Variants in ASIP observed in about 807,000 individuals in gnomAD.
ASIP encodes the protein agouti-signaling protein.
Under a neutral mutation model 10.3 loss-of-function variants are expected in ASIP, and 11 were observed. The observed-to-expected ratio is 1.07, with a 90% CI of 0.68 to 1.78. The LOEUF is 1.78. ASIP is among the 40% of genes most tolerant of loss of function. The pLI, the probability that ASIP is intolerant of heterozygous loss-of-function variation, is 0.00. For synonymous variants in ASIP, 70 were observed against 70.8 expected (o/e 0.99, Z 0.06); for missense variants, 180 against 169.2 (o/e 1.06, Z -0.35).
chr20:34,192,866 A>G (rs1191902484), upstream of ASIP, among the ~76,000 whole-genome samples: 9 of 152,186 alleles, frequency 5.9e-5, no homozygotes, highest in Non-Finnish European at 1.3e-4. Flanking sequence ...GGTGCATGTG[A>G]TATTTTCATA....
rs532595280 is a variant in ASIP, at chr20:34,222,685, C to G, written c.-11+27925C>G. On this transcript the variant is annotated intron_variant, in intron 1 of 3. Coordinates refer to the ASIP transcript ENST00000568305. ...CTCTCCCCACGGTCTCCCTCTCATGCGGAGCTGAAGCTGGACTGTACTGCT... is the reference window on the plus strand; with the variant it reads ...CTCTCCCCACGGTCTCCCTCTCATGGGGAGCTGAAGCTGGACTGTACTGCT... 1.7e-4 allele frequency among the ~76,000 whole-genome samples: 26 copies of G among 151,584 alleles called. No individual in the cohort carries two copies. In the South Asian group the frequency reaches 5.5e-3, roughly 32 times the overall value.
At chr20:34,193,429 C>T (rs563758532), upstream of ASIP, among the ~76,000 whole-genome samples, 1 of 151,792 alleles carries the variant, frequency 6.6e-6, no homozygotes, top group South Asian at 2.1e-4. Context: ...TTTTTTCTTC[C>T]ATCTTTTTTT....
chr20:34,235,786 GAAGAAAGAAAGAAAGAAAGA>G (rs572242709), intron 1 of ASIP, among the ~76,000 whole-genome samples: 23 of 61,392 alleles, frequency 3.7e-4, no homozygotes, highest in African/African-American at 5.9e-4. Context: ...CTCTGAGAAA[GAAGAAAGAAAGAAAGAAAGA>G]AAGAAAGAAA....
chr20:34,246,064 TC>T, intron 1 of ASIP: 1 of 879,594 alleles, frequency 1.1e-6, no homozygotes, highest in Non-Finnish European at 1.9e-6. Context: ...AATTTCATCC[TC>T]CCCATTACTG....
chr20:34,187,480 A>T, the ASIP span, among the ~76,000 whole-genome samples: 1 of 152,348 alleles, frequency 6.6e-6, no homozygotes, highest in East Asian at 1.9e-4. Context: ...TCTGTCCACA[A>T]GCCTAATCAC....
At chr20:34,235,837 GA>G (rs879300679) in intron 1 of ASIP, among the ~76,000 whole-genome samples, 72 of 59,786 alleles carry the variant, frequency 1.2e-3, no homozygotes, top group Non-Finnish European at 1.4e-3. Flanking sequence ...AAGAAAGAAA[GA>G]AAGAAGGAAG....
intron 2 of ASIP, 105 bp downstream of exon 2, chr20:34,260,639 T>A: frequency 7.9e-7 from 1 of 1,270,906 alleles, no homozygotes; most frequent in Non-Finnish European, 1.1e-6. Flanking sequence ...CACGGCTCCT[T>A]CTTGCTCGTT....
At chr20:34,193,141 T>G (rs956848829), upstream of ASIP, among the ~76,000 whole-genome samples, 1 of 152,216 alleles carries the variant, frequency 6.6e-6, no homozygotes, top group Non-Finnish European at 1.5e-5. Flanking sequence ...AAGTGGCAAA[T>G]AACTTTCCAA....
upstream of ASIP, among the ~76,000 whole-genome samples, chr20:34,237,493 T>C (rs923019207): frequency 5.3e-5 from 8 of 152,244 alleles, no homozygotes; most frequent in Non-Finnish European, 8.8e-5. Flanking sequence ...ATGTAACTGA[T>C]ATAACTTTGT....
chr20:34,214,126 C>G, intron 1 of ASIP: 1 of 1,139,102 alleles, frequency 8.8e-7, no homozygotes, highest in Non-Finnish European at 1.3e-6. Context: ...TGGCCATTCT[C>G]AGGTGGAGAA....
chr20:34,189,327 C>G, the ASIP span, among the ~76,000 whole-genome samples: 1 of 152,098 alleles, frequency 6.6e-6, no homozygotes, highest in Non-Finnish European at 1.5e-5. Context: ...ACCGCAACCT[C>G]TACCTCCCGG....
Position 34,202,801 on chromosome 20 carries a change from C to CTTT in ASIP, c.-11+8063_-11+8065dup, listed in dbSNP as rs34156089. Among the ~76,000 whole-genome samples the CTTT allele has an allele frequency of 9.8e-4, 56 of 57,248 alleles. 1 individual carries two copies. Among genetic ancestry groups the CTTT allele is most frequent in the Non-Finnish European group, 1.4e-3 (42 of 29,414 alleles). 37.6% of individuals were successfully genotyped at this position (57,248 alleles called of 152,430 possible). On this transcript the variant is annotated intron_variant, in intron 1 of 3. Coordinates refer to the ASIP transcript ENST00000568305. Reference sequence around the variant, plus strand: ...CTTCCCCAAGATTGCCTTGGCTATTCTTTTTTTTTTTTTTTTTTTTTTTTC... The same window carrying CTTT: ...CTTCCCCAAGATTGCCTTGGCTATTCTTTTTTTTTTTTTTTTTTTTTTTTTTTC...
At chr20:34,220,284 T>C (rs990822243) in intron 1 of ASIP, among the ~76,000 whole-genome samples, 1 of 151,562 alleles carries the variant, frequency 6.6e-6, no homozygotes, top group African/African-American at 2.4e-5. Flanking sequence ...GCATTTTCAA[T>C]ACAAGAGATT....
intron 1 of ASIP, among the ~76,000 whole-genome samples, chr20:34,233,653 A>G (rs6087565): frequency 0.11 from 16,889 of 152,230 alleles, 992 homozygotes; most frequent in South Asian, 0.19. Flanking sequence ...TCTGAAGATA[A>G]TGAATTGGCT....
chr20:34,248,074 T>C (rs2122624295), intron 1 of ASIP, among the ~76,000 whole-genome samples: 1 of 152,164 alleles, frequency 6.6e-6, no homozygotes, highest in Non-Finnish European at 1.5e-5. Flanking sequence ...GGCATGGTGA[T>C]GGGCGCCTGT....
intron 1 of ASIP, chr20:34,216,040 GCTCGCAGAGAGCTGGGACAGCGGCC>G: frequency 3.2e-6 from 2 of 631,592 alleles, no homozygotes; most frequent in Non-Finnish European, 5.8e-6. Context: ...GAGCGGCGCA[GCTCGCAGAGAGCTGGGACAGCGGCC>G]CTCGTCCTTG....
intron 1 of ASIP, chr20:34,215,404 T>C: frequency 6.4e-7 from 1 of 1,554,142 alleles, no homozygotes; most frequent in Non-Finnish European, 8.9e-7. Context: ...GTGAGCCTCC[T>C]CTGATGTATG....
chr20:34,252,961 T>C (rs2035502865), intron 1 of ASIP, among the ~76,000 whole-genome samples: 2 of 152,210 alleles, frequency 1.3e-5, no homozygotes, highest in Admixed American at 1.3e-4. Flanking sequence ...ATACAGCACA[T>C]GTTTCTGTGA....
At chr20:34,201,045 TTTCTTTCTTTCTTTC>T (rs376956022) in intron 1 of ASIP, among the ~76,000 whole-genome samples, 6,075 of 121,452 alleles carry the variant, frequency 0.05, 219 homozygotes, top group Non-Finnish European at 0.063. Context: ...TCTTTCTTTC[TTTCTTTCTTTCTTTC>T]TTTTTTTTCC....
Sources: gnomAD v4.1 joint callset for allele counts (sites outside exome capture counted in the v4.1 genomes callset) on GRCh38, gnomAD v4.1.1 for gene constraint, MANE v1.5 for transcripts, NCBI Gene and HGNC (gene_info 2026-07-23, HGNC 2026-07-21) for gene names.